RNF111: variants seen among roughly 807,000 people sequenced by gnomAD.
The protein encoded by RNF111 is ring finger protein 111.
A neutral mutation model predicts 95.1 loss-of-function variants in RNF111; 17 were observed. The observed-to-expected ratio is 0.18, with a 90% confidence interval of 0.12 to 0.27. The LOEUF (loss-of-function observed/expected upper bound fraction) is 0.27, where lower values mean the gene tolerates loss of function less well. Ranked by LOEUF, RNF111 falls within the 10% of genes least tolerant of loss-of-function variation. The probability of loss-of-function intolerance (pLI) is 1.00; values close to 1 mark genes in which losing one functional copy is unlikely to be tolerated. For missense variants in RNF111, 1,189 were observed against 1,210.4 expected (o/e 0.98, Z 0.26); for synonymous variants, 440 against 414.8 (o/e 1.06, Z -0.74).
chr15:59,028,680 A>C (rs1032407545), intron 1 of RNF111, among the ~76,000 whole-genome samples: 2 of 151,976 alleles, frequency 1.3e-5, no homozygotes, highest in African/African-American at 4.8e-5. Context: ...GTTATGACTA[A>C]TGTTGCTGTT....
chr15:59,013,459 A>G (rs1393162909), intron 1 of RNF111, among the ~76,000 whole-genome samples: 1 of 152,176 alleles, frequency 6.6e-6, no homozygotes, highest in Non-Finnish European at 1.5e-5. Context: ...CCATCCCTGA[A>G]TCTAGGTTAG....
intron 13 of RNF111, chr15:59,093,335 A>ATCT: frequency 2.6e-6 from 1 of 384,506 alleles, no homozygotes; most frequent in South Asian, 1.9e-5. Context: ...GTTTTACAGC[A>ATCT]TCTTTTTTTT....
At chr15:59,040,390 A>G (rs2141855392) in intron 2 of RNF111, among the ~76,000 whole-genome samples, 1 of 152,112 alleles carries the variant, frequency 6.6e-6, no homozygotes, top group East Asian at 1.9e-4. Context: ...TAGCCTCCTC[A>G]TTTGCTGCAA....
intron 3 of RNF111, among the ~76,000 whole-genome samples, chr15:59,055,086 T>C (rs17190764): frequency 3.0e-4 from 45 of 152,328 alleles, no homozygotes; most frequent in Admixed American, 1.4e-3. Flanking sequence ...CACAGTCACG[T>C]GTTTTAGAAG....
intron 1 of RNF111, among the ~76,000 whole-genome samples, chr15:59,027,924 C>T (rs1167719941): frequency 6.6e-6 from 1 of 150,932 alleles, no homozygotes; most frequent in Non-Finnish European, 1.5e-5. Context: ...CTCCCTGGTT[C>T]AAGCAATTCT....
intron 8 of RNF111, among the ~76,000 whole-genome samples, chr15:59,082,842 G>A (rs2078786532): frequency 6.6e-6 from 1 of 152,172 alleles, no homozygotes; most frequent in Non-Finnish European, 1.5e-5. Context: ...ATCTCTGGCT[G>A]TTGCTGCCAT....
At chr15:59,049,476 G>T (rs1344764660) in intron 2 of RNF111, 1 of 209,640 alleles carries the variant, frequency 4.8e-6, no homozygotes, top group Non-Finnish European at 1.0e-5. Flanking sequence ...GCTTTTCTGG[G>T]TGGAGAATGC....
At position 59,031,222 on chromosome 15, in the gene RNF111, T is replaced by A; in HGVS notation, c.400T>A (p.Phe134Ile). 1 of 1,614,182 alleles carries A rather than the reference T, an allele frequency of 6.2e-7. No individual in the cohort carries two copies. Among genetic ancestry groups the A allele is most frequent in the Non-Finnish European group, 8.5e-7 (1 of 1,180,022 alleles). Residue 134 changes from phenylalanine (F) to isoleucine (I), a missense_variant, in exon 2 of 14, where the codon TTT becomes ATT. Around this residue, in one of 2 missense-constraint regions of RNF111, gnomAD observed 1,024 missense variants for 925.9 expected, o/e 1.11. Coordinates refer to ENST00000348370, the MANE Select transcript of RNF111 (RefSeq NM_017610.8). ...TPSDEDNDSS[F>I]SDCLSSPSSS... is the part of the protein sequence containing the mutation. ...AAGTGATGAAGATAATGATTCCTCT[T>A]TTAGTGATTGTCTTTCTTCTCCTTC...
intron 3 of RNF111, among the ~76,000 whole-genome samples, chr15:59,055,004 A>G (rs1348201671): frequency 1.3e-5 from 2 of 152,216 alleles, no homozygotes; most frequent in Admixed American, 1.3e-4. Flanking sequence ...TTCAAAGTAT[A>G]TACACCTGTA....
rs562918559 is a variant in RNF111, at chr15:59,089,673, G to C, written c.2557G>C (p.Asp853His). The C allele has an allele frequency of 6.2e-7, 1 of 1,612,668 alleles. No individual in the cohort carries two copies. The highest frequency in any genetic ancestry group is 1.1e-5 in the South Asian group (1 of 91,056). Residue 853 changes from aspartate (D) to histidine (H), a missense_variant, in exon 11 of 14, where the codon GAT (aspartate) becomes CAT (histidine). By Grantham distance (81) the Asp-to-His change is moderately conservative. Around this residue, in one of 2 missense-constraint regions of RNF111, gnomAD observed 165 missense variants for 284.6 expected, o/e 0.58. Transcript: ENST00000348370. Reference protein sequence around the residue: ...QLGALPLMVPDMAGYPHIRYI... With the variant: ...QLGALPLMVPHMAGYPHIRYI... ...ATCTCTTCTGTTGAAATAGGTTCCT[G>C]ATATGGCAGGCTATCCTCACATCCG...
chr15:59,079,980 A>G (rs1279792295), intron 7 of RNF111, among the ~76,000 whole-genome samples: 3 of 152,192 alleles, frequency 2.0e-5, no homozygotes, highest in African/African-American at 4.8e-5. Context: ...GAGTAATACA[A>G]TAGGCTAAGC....
At chr15:59,032,929 T>A (rs758996319) in intron 2 of RNF111, among the ~76,000 whole-genome samples, 25 of 152,188 alleles carry the variant, frequency 1.6e-4, no homozygotes, top group Non-Finnish European at 2.8e-4. Context: ...AATGTGATAT[T>A]TAAGTAGAAT....
intron 2 of RNF111, among the ~76,000 whole-genome samples, chr15:59,045,416 C>T (rs973022405): frequency 3.3e-5 from 5 of 152,106 alleles, no homozygotes; most frequent in Admixed American, 6.5e-5. Flanking sequence ...GTCTCGATCT[C>T]CTGACCTTGT....
intron 5 of RNF111, among the ~76,000 whole-genome samples, chr15:59,061,820 C>T (rs1489484011): frequency 4.6e-5 from 7 of 152,118 alleles, no homozygotes; most frequent in African/African-American, 1.7e-4. Flanking sequence ...GTATTTTTGT[C>T]ACACTAAACT....
chr15:59,035,263 A>G (rs977982256), intron 2 of RNF111, among the ~76,000 whole-genome samples: 16 of 152,186 alleles, frequency 1.1e-4, no homozygotes, highest in Admixed American at 5.9e-4. Context: ...CAGCCAGACC[A>G]TATCATTCTG....
intron 1 of RNF111, among the ~76,000 whole-genome samples, chr15:59,006,889 C>G (rs146172859): frequency 1.3e-5 from 2 of 152,162 alleles, no homozygotes; most frequent in Non-Finnish European, 2.9e-5. Flanking sequence ...CGGGTTCAAG[C>G]AGTTCTCTGC....
intron 11 of RNF111, 127 bp from the exon 12 acceptor site, chr15:59,090,932 T>C: frequency 1.8e-6 from 1 of 552,590 alleles, no homozygotes; most frequent in Non-Finnish European, 3.2e-6. Flanking sequence ...TGTGTAAGTT[T>C]TTTTGAACAC....
intron 2 of RNF111, among the ~76,000 whole-genome samples, chr15:59,041,516 G>C (rs1392866648): frequency 1.3e-5 from 2 of 151,990 alleles, no homozygotes; most frequent in Non-Finnish European, 2.9e-5. Context: ...TCTAGAGATT[G>C]TGCCACTGCA....
chr15:59,020,324 C>T (rs1263350410), intron 1 of RNF111, among the ~76,000 whole-genome samples: 2 of 151,408 alleles, frequency 1.3e-5, no homozygotes, highest in African/African-American at 2.4e-5. Context: ...TTAGCAGTAT[C>T]TTTATGTCTT....
Sources: gnomAD v4.1 joint callset for allele counts (sites outside exome capture counted in the v4.1 genomes callset) on GRCh38, gnomAD v4.1.1 for gene constraint, gnomAD v4.1.1 regional missense constraint, MANE v1.5 for transcripts, NCBI Gene and HGNC (gene_info 2026-07-23, HGNC 2026-07-21) for gene names.